The following SIL1 variants were observed in gnomAD, a reference collection of about 807,000 sequenced individuals.
SIL1 encodes SIL1 nucleotide exchange factor, also known as nucleotide exchange factor SIL1.
SIL1 carries 40 observed loss-of-function variants against 49.1 expected under a neutral mutation model. That is an observed-to-expected ratio of 0.81 (90% CI 0.63 to 1.06). SIL1 has a LOEUF of 1.06. SIL1 is among the 50% of genes least tolerant of loss of function. SIL1 has a pLI of 0.00. For missense variants in SIL1, 500 were observed against 572.6 expected (o/e 0.87, Z 1.29); for synonymous variants, 253 against 250.8 (o/e 1.01, Z -0.08).
chr5:139,129,952 A>C (rs1331830647), intron 1 of SIL1, among the ~76,000 whole-genome samples: 1 of 152,212 alleles, frequency 6.6e-6, no homozygotes, highest in African/African-American at 2.4e-5. Flanking sequence ...AATGGGAGAA[A>C]ATATTTGTAA....
intron 1 of SIL1, among the ~76,000 whole-genome samples, chr5:139,190,491 C>T (rs947037059): frequency 2.6e-5 from 4 of 152,192 alleles, no homozygotes. Context: ...ACTGCAAAAG[C>T]ATCCTGCATC....
intron 1 of SIL1, among the ~76,000 whole-genome samples, chr5:139,149,152 C>T (rs1460236319): frequency 1.3e-5 from 2 of 152,164 alleles, no homozygotes; most frequent in African/African-American, 4.8e-5. Context: ...CTGTGCTGCC[C>T]AGGCACATTG....
chr5:138,997,966 T>C (rs1767906471), intron 7 of SIL1, among the ~76,000 whole-genome samples: 1 of 152,216 alleles, frequency 6.6e-6, no homozygotes, highest in African/African-American at 2.4e-5. Context: ...CATGTAAATT[T>C]TAGAATCGTC....
chr5:139,036,867 T>C (rs1768925816), intron 5 of SIL1, among the ~76,000 whole-genome samples: 1 of 152,140 alleles, frequency 6.6e-6, no homozygotes, highest in Middle Eastern at 3.2e-3. Context: ...AGAAAATAAA[T>C]AATAAAAACT....
intron 7 of SIL1, among the ~76,000 whole-genome samples, chr5:138,982,638 G>C (rs1040169249): frequency 6.6e-6 from 1 of 152,234 alleles, no homozygotes; most frequent in African/African-American, 2.4e-5. Flanking sequence ...AGGCCAAGGG[G>C]TTTGGCCAAG....
chr5:139,040,003 CA>C (rs1489482207), intron 5 of SIL1, among the ~76,000 whole-genome samples: 4 of 152,042 alleles, frequency 2.6e-5, no homozygotes, highest in African/African-American at 9.7e-5. Context: ...TTCTCGTCCC[CA>C]AAAACATCCA....
intron 1 of SIL1, among the ~76,000 whole-genome samples, chr5:139,173,263 A>C (rs1433341632): frequency 6.6e-6 from 1 of 152,214 alleles, no homozygotes; most frequent in East Asian, 1.9e-4. Context: ...CACCAAAAAA[A>C]ATGAGGGCCG....
intron 3 of SIL1, among the ~76,000 whole-genome samples, chr5:139,062,724 C>T (rs1324098132): frequency 2.0e-5 from 3 of 152,200 alleles, no homozygotes; most frequent in Admixed American, 6.5e-5. Context: ...AGAGAGGTAC[C>T]TTGAACCATC....
chr5:139,017,015 C>G (rs1768416403), intron 7 of SIL1: 1 of 152,216 alleles, frequency 6.6e-6, no homozygotes, highest in Admixed American at 6.5e-5. Flanking sequence ...CCATGCCCAG[C>G]TAATTTTTGT....
intron 3 of SIL1, among the ~76,000 whole-genome samples, chr5:139,107,600 G>C (rs1343473783): frequency 6.6e-6 from 1 of 152,128 alleles, no homozygotes; most frequent in Non-Finnish European, 1.5e-5. Flanking sequence ...ATATCACACT[G>C]TATTTGGTCG....
intron 4 of SIL1, among the ~76,000 whole-genome samples, chr5:139,050,248 T>C (rs1561842644): frequency 6.6e-6 from 1 of 152,160 alleles, no homozygotes; most frequent in Non-Finnish European, 1.5e-5. Flanking sequence ...ATGGCTGGTA[T>C]TTCTACTGAG....
At position 139,122,193 on chromosome 5, in the gene SIL1, G is replaced by A. The variant is rs968413813; in HGVS notation, c.106-1020C>T. Among the ~76,000 whole-genome samples, 17 of 152,166 alleles carry A rather than the reference G, an allele frequency of 1.1e-4. No individual in the cohort carries two copies. In the South Asian group the frequency reaches 1.7e-3, roughly 15 times the overall value. Reference sequence around the variant, plus strand: ...GGAATCTTCCTATGAGCCCAGACCCGTGCTGGGTACTTTACATAGATCTCA... The same window carrying A: ...GGAATCTTCCTATGAGCCCAGACCCATGCTGGGTACTTTACATAGATCTCA... On this transcript the variant is annotated intron_variant, in intron 2 of 9. Coordinates refer to ENST00000394817, the MANE Select transcript of SIL1 (RefSeq NM_022464.5).
rs778047721 is a variant in SIL1, at chr5:139,040,490, TCTTTTTTC to T, written c.453+2122_453+2129del. 1.3e-4 allele frequency among the ~76,000 whole-genome samples: 15 copies of T among 113,898 alleles called. 1 individual carries two copies. Among genetic ancestry groups the T allele is most frequent in the African/African-American group, 3.9e-4 (10 of 25,588 alleles). 74.7% of individuals were successfully genotyped at this position (113,898 alleles called of 152,430 possible). A position where few individuals can be genotyped will look rare whatever the true frequency, so the allele number is the denominator to read the frequency against. ...GGGGAGAGGAGTATTTTTTCTTTTT[TCTTTTTTC>T]TTTTTTTTTTTTTTTTTGAGACAGA... On this transcript the variant is annotated intron_variant, in intron 5 of 9. Transcript: ENST00000394817.
chr5:139,187,256 C>T lies in SIL1; in HGVS notation c.-11+11013G>A, dbSNP rs536608132. On this transcript the variant is annotated intron_variant, in intron 1 of 9. Coordinates refer to ENST00000394817, the MANE Select transcript of SIL1 (RefSeq NM_022464.5). ...GGAACCGGCTGGGTGCAGTGGCTCA[C>T]GTCTGTAATCCCAGCACTTTGGGAT... Among the ~76,000 whole-genome samples, 9 of 152,270 alleles carry T rather than the reference C, an allele frequency of 5.9e-5. No homozygotes were observed. In the South Asian group the frequency reaches 1.9e-3, roughly 32 times the overall value.
At chr5:139,032,736 T>C (rs756495039) in intron 5 of SIL1, among the ~76,000 whole-genome samples, 17 of 152,240 alleles carry the variant, frequency 1.1e-4, no homozygotes, top group Non-Finnish European at 2.2e-4. Context: ...TCAAGTTTTT[T>C]TAATGGTTAT....
rs189570732 is a variant in SIL1 at position 138,948,882 on chromosome 5, G to A, written c.1030-1409C>T. Among the ~76,000 whole-genome samples the A allele has an allele frequency of 1.9e-3, 291 of 152,238 alleles. 1 individual carries two copies. Among genetic ancestry groups the A allele is most frequent in the African/African-American group, 4.6e-3 (193 of 41,558 alleles). On this transcript the variant is annotated intron_variant, in intron 9 of 9. Transcript: ENST00000394817. This position sits in a 1 kb window ranked among gnomAD's most constrained non-coding sequence, Gnocchi z 4.8. ...AGCCCGGCCCAGCATGCTTTTTTCCGCAAGTGCTCTTGCCCTCTCACCTTC... is the reference window on the plus strand; with the variant it reads ...AGCCCGGCCCAGCATGCTTTTTTCCACAAGTGCTCTTGCCCTCTCACCTTC...
At chr5:139,188,997 C>T (rs887100330) in intron 1 of SIL1, among the ~76,000 whole-genome samples, 11 of 152,208 alleles carry the variant, frequency 7.2e-5, no homozygotes, top group African/African-American at 2.4e-4. Flanking sequence ...ATACCTATAA[C>T]TATTGGTATA....
intron 3 of SIL1, among the ~76,000 whole-genome samples, chr5:139,114,105 G>A (rs1297893720): frequency 6.6e-6 from 1 of 152,228 alleles, no homozygotes; most frequent in Non-Finnish European, 1.5e-5. Context: ...CTGGACCCTG[G>A]CCTGTCCCAT....
At position 139,091,443 on chromosome 5, in the gene SIL1, T is replaced by C. The variant is rs183952520; in HGVS notation, c.244+29592A>G. Among the ~76,000 whole-genome samples the C allele has an allele frequency of 3.2e-4, 48 of 152,310 alleles. No homozygotes were observed. The East Asian group carries it at 8.1e-3, about 26-fold the overall frequency. ...TCACAGAAAAAGAAATACAATGCTA[T>C]TTGACTCTATGAAAAGATGTTCAAC... On this transcript the variant is annotated intron_variant, in intron 3 of 9. Transcript: ENST00000394817.
Sources: gnomAD v4.1 joint callset for allele counts (sites outside exome capture counted in the v4.1 genomes callset) on GRCh38, gnomAD v4.1.1 for gene constraint, Gnocchi (gnomAD v3.1) non-coding constraint, MANE v1.5 for transcripts, NCBI Gene and HGNC (gene_info 2026-07-23, HGNC 2026-07-21) for gene names.